SYTL3: variants seen among roughly 807,000 people sequenced by gnomAD.
SYTL3 encodes the protein synaptotagmin-like protein 3.
In SYTL3, 88 loss-of-function variants were observed where a neutral mutation model predicts 82.1. The ratio of observed to expected loss-of-function variants is 1.07; its 90% confidence interval spans 0.90 to 1.28. The LOEUF (loss-of-function observed/expected upper bound fraction) is 1.28. Ranked by LOEUF, SYTL3 falls within the 50% of genes most tolerant of loss-of-function variation. SYTL3 has a pLI of 0.00. For missense variants in SYTL3, 831 were observed against 757.6 expected, an observed-to-expected ratio of 1.10 and a Z score of -1.14; for synonymous variants, 311 against 289.4, an observed-to-expected ratio of 1.07 and a Z score of -0.76.
chr6:158,707,816 A>G (rs1782272755), intron 7 of SYTL3, among the ~76,000 whole-genome samples: 1 of 152,184 alleles, frequency 6.6e-6, no homozygotes, highest in Non-Finnish European at 1.5e-5. Context: ...GCTCCCCACC[A>G]GCTGCTATTT....
chr6:158,753,998 G>A (rs1382326685), intron 13 of SYTL3, among the ~76,000 whole-genome samples: 1 of 152,118 alleles, frequency 6.6e-6, no homozygotes, highest in African/African-American at 2.4e-5. Flanking sequence ...GGAAGCCGGG[G>A]AGGCCGATCC....
chr6:158,669,657 A>G (rs1050376810), intron 5 of SYTL3, among the ~76,000 whole-genome samples: 1 of 152,244 alleles, frequency 6.6e-6, no homozygotes, highest in Non-Finnish European at 1.5e-5. Flanking sequence ...AGAGCTGCTT[A>G]AGTGTGTTCG....
At chr6:158,720,018 G>A (rs1783893839) in intron 10 of SYTL3, among the ~76,000 whole-genome samples, 1 of 152,198 alleles carries the variant, frequency 6.6e-6, no homozygotes, top group East Asian at 1.9e-4. Context: ...GAGCCCAGGA[G>A]GTCAAGGCTG....
chr6:158,703,213 A>G (rs145191182), intron 6 of SYTL3, among the ~76,000 whole-genome samples: 96 of 150,636 alleles, frequency 6.4e-4, no homozygotes, highest in Non-Finnish European at 1.2e-3. Flanking sequence ...CGAGCAGCAA[A>G]TGTGTGCAAA....
At chr6:158,759,253 G>C (rs983789658) in intron 14 of SYTL3, among the ~76,000 whole-genome samples, 2 of 152,138 alleles carry the variant, frequency 1.3e-5, no homozygotes, top group African/African-American at 4.8e-5. Flanking sequence ...GAGCTGCAAG[G>C]CATCCCTCCT....
intron 6 of SYTL3, among the ~76,000 whole-genome samples, chr6:158,698,257 C>T (rs182688205): frequency 8.6e-4 from 131 of 151,990 alleles, no homozygotes; most frequent in African/African-American, 3.0e-3. Flanking sequence ...ATTAGCTAGA[C>T]GTGGTGGTGG....
At chr6:158,758,984 T>C (rs148281749) in intron 14 of SYTL3, among the ~76,000 whole-genome samples, 1 of 152,300 alleles carries the variant, frequency 6.6e-6, no homozygotes, top group Non-Finnish European at 1.5e-5. Flanking sequence ...CCCCGCTCTG[T>C]CATCTCTCAG....
chr6:158,763,507 CAAGT>C lies in SYTL3; in HGVS notation c.1723+3_1723+6del. 6.2e-7 allele frequency: 1 copy of C among 1,613,516 alleles called. No individual in the cohort carries two copies. Among genetic ancestry groups the C allele is most frequent in the Non-Finnish European group, 8.5e-7 (1 of 1,179,500 alleles). ...TTGCTTGGAGGAACCAGACTTGGTTCAAGTAAGTCTGAGACATTGAGCCCAAACG... is the reference window on the plus strand; with the variant it reads ...TTGCTTGGAGGAACCAGACTTGGTTCAAGTCTGAGACATTGAGCCCAAACG... On this transcript the variant is annotated splice_donor_variant and coding_sequence_variant, in exon 17 of 18. Transcript: ENST00000611299. LOFTEE classifies it high-confidence loss of function.
At chr6:158,731,982 T>C (rs1785473102) in intron 11 of SYTL3, among the ~76,000 whole-genome samples, 1 of 152,244 alleles carries the variant, frequency 6.6e-6, no homozygotes, top group South Asian at 2.1e-4. Flanking sequence ...AAAAACAGCT[T>C]ACTACTTCAG....
intron 5 of SYTL3, among the ~76,000 whole-genome samples, chr6:158,672,684 T>C (rs891925952): frequency 6.6e-6 from 1 of 151,946 alleles, no homozygotes; most frequent in African/African-American, 2.4e-5. Context: ...CAGGCTGGAG[T>C]GCAGTGGCAC....
At chr6:158,679,367 C>T (rs1778398510) in intron 5 of SYTL3, among the ~76,000 whole-genome samples, 1 of 150,104 alleles carries the variant, frequency 6.7e-6, no homozygotes, top group African/African-American at 2.5e-5. Flanking sequence ...GAGACCCTGT[C>T]TCAAAGAAAA....
chr6:158,701,831 C>T (rs1340337013), intron 6 of SYTL3, among the ~76,000 whole-genome samples: 3 of 151,984 alleles, frequency 2.0e-5, no homozygotes, highest in Non-Finnish European at 4.4e-5. Flanking sequence ...GCTTCCTCTG[C>T]TGGTGCTAGG....
At chr6:158,745,391 G>A (rs902899137) in intron 11 of SYTL3, 89 bp from the exon 12 acceptor site, 88 of 1,193,736 alleles carry the variant, frequency 7.4e-5, no homozygotes, top group Non-Finnish European at 1.0e-4. Flanking sequence ...TGCTGTATGA[G>A]TTTTTATTTA....
intron 8 of SYTL3, among the ~76,000 whole-genome samples, chr6:158,708,922 G>A (rs539738921): frequency 7.6e-4 from 116 of 152,220 alleles, no homozygotes; most frequent in African/African-American, 2.6e-3. Flanking sequence ...GTCCCAATAC[G>A]CCCAAAGTAA....
intron 15 of SYTL3, among the ~76,000 whole-genome samples, chr6:158,761,792 A>C (rs1022292600): frequency 6.6e-6 from 1 of 152,090 alleles, no homozygotes; most frequent in Non-Finnish European, 1.5e-5. Context: ...ACTAGACTCA[A>C]ACTTCGGCAT....
intron 16 of SYTL3, among the ~76,000 whole-genome samples, 196 bp downstream of exon 16, chr6:158,762,374 G>A (rs552960163): frequency 6.6e-5 from 10 of 152,104 alleles, no homozygotes; most frequent in East Asian, 5.8e-4. Context: ...TGGAGTACTC[G>A]AAACCCTAAT....
chr6:158,684,082 CGT>C (rs1348940499), intron 6 of SYTL3, among the ~76,000 whole-genome samples: 1 of 152,098 alleles, frequency 6.6e-6, no homozygotes, highest in Non-Finnish European at 1.5e-5. Context: ...CAGGAATTCT[CGT>C]GGGTTTACGG....
At chr6:158,729,699 T>G (rs909884354) in intron 11 of SYTL3, among the ~76,000 whole-genome samples, 1 of 151,684 alleles carries the variant, frequency 6.6e-6, no homozygotes, top group African/African-American at 2.4e-5. Flanking sequence ...CCTGAGTAGC[T>G]GGGACTACAG....
intron 6 of SYTL3, among the ~76,000 whole-genome samples, chr6:158,692,696 G>C (rs1382544428): frequency 6.6e-6 from 1 of 151,720 alleles, no homozygotes; most frequent in Non-Finnish European, 1.5e-5. Context: ...CCAGCACTTT[G>C]GGAAGCCAAG....
Sources: gnomAD v4.1 joint callset for allele counts (sites outside exome capture counted in the v4.1 genomes callset) on GRCh38, gnomAD v4.1.1 for gene constraint, MANE v1.5 for transcripts, NCBI Gene and HGNC (gene_info 2026-07-23, HGNC 2026-07-21) for gene names.